DMD: variants seen among roughly 807,000 people sequenced by gnomAD.
DMD encodes the protein mutant dystrophin.
A neutral mutation model predicts 330.1 loss-of-function variants in DMD; 63 were observed. The ratio of observed to expected loss-of-function variants is 0.19; its 90% CI spans 0.16 to 0.24. The LOEUF is 0.24. DMD is among the 10% of genes least tolerant of loss of function. The pLI is 1.00. For missense variants in DMD, 3,344 were observed against 2,684.1 expected (o/e 1.25, Z -5.43); for synonymous variants, 1,223 against 959.8 (o/e 1.27, Z -5.07).
intron 55 of DMD, among the ~76,000 whole-genome samples, chrX:31,624,099 C>T (rs1316872006): frequency 6.3e-5 from 7 of 111,531 alleles, no homozygotes; most frequent in African/African-American, 9.8e-5. Context: ...AGAAATAATC[C>T]GATTCAATTA....
In DMD at chrX:33,009,162, GTATATATATGTGTATATATACGTATATA is replaced by G. The variant is rs2093505062; in HGVS notation, c.93+10949_93+10976del. ...TATATGTGTATATATACGTATATAT[GTATATATATGTGTATATATACGTATATA>G]TGTATATATGTGTATATATACACAT... On this transcript the variant is annotated intron_variant, in intron 2 of 78. Coordinates refer to ENST00000357033, the MANE Select transcript of DMD (RefSeq NM_004006.3). Among the ~76,000 whole-genome samples, 2 of 2,510 alleles carry G rather than the reference GTATATATATGTGTATATATACGTATATA, an allele frequency of 8.0e-4. 1 individual carries two copies. The highest frequency in any genetic ancestry group is 1.5e-3 in the Non-Finnish European group (2 of 1,295). The allele number at this position is 2,510 out of a possible 115,157, so 2.2% of individuals were successfully genotyped here.
At chrX:33,250,455 G>A (rs955561061) in intron 1 of DMD, among the ~76,000 whole-genome samples, 1 of 110,618 alleles carries the variant, frequency 9.0e-6, no homozygotes, top group Non-Finnish European at 1.9e-5. Flanking sequence ...CTCACCTCCT[G>A]CTGTGCAGCT....
chrX:31,870,022 G>A (rs1444316690), intron 48 of DMD, among the ~76,000 whole-genome samples: 1 of 111,769 alleles, frequency 8.9e-6, no homozygotes, highest in Non-Finnish European at 1.9e-5. Flanking sequence ...CCAAGTGTCA[G>A]AGTTCGTTCA....
At chrX:32,473,072 T>C (rs1215506134) in intron 21 of DMD, among the ~76,000 whole-genome samples, 1 of 111,287 alleles carries the variant, frequency 9.0e-6, no homozygotes, top group Non-Finnish European at 1.9e-5. Flanking sequence ...TGTATATATA[T>C]GAAATGTGAC....
chrX:32,192,548 G>A (rs1388250612), intron 44 of DMD, among the ~76,000 whole-genome samples: 1 of 111,918 alleles, frequency 8.9e-6, no homozygotes, highest in African/African-American at 3.2e-5. Flanking sequence ...TAACTCTTAA[G>A]TGGATATCCT....
chrX:32,502,929 A>G (rs2044207352), intron 18 of DMD, among the ~76,000 whole-genome samples: 1 of 111,878 alleles, frequency 8.9e-6, no homozygotes, highest in African/African-American at 3.2e-5. Flanking sequence ...ATGATAGCCA[A>G]TAACCACATG....
Position 31,530,119 on chromosome X carries a change from TA to T in DMD, c.8218-22667del, listed in dbSNP as rs200082425. Among the ~76,000 whole-genome samples the T allele has an allele frequency of 3.2e-4, 36 of 111,745 alleles. No individual in the cohort carries two copies. The East Asian group carries it at 8.4e-3, about 26-fold the overall frequency. The stretch of plus-strand genomic sequence containing the variant: ...TGATATGTAATACAGATTTTATGTT[TA>T]AAAAAATGGCTTTGTGGGGCTCCCA... On this transcript the variant is annotated intron_variant, in intron 55 of 78. Transcript: ENST00000357033.
intron 4 of DMD, among the ~76,000 whole-genome samples, chrX:32,828,265 G>A (rs1328434368): frequency 1.8e-5 from 2 of 111,159 alleles, no homozygotes; most frequent in Non-Finnish European, 3.8e-5. Flanking sequence ...TGGGTTGAAT[G>A]GTATTTCTGT....
chrX:31,366,064 C>A (rs1335116328), intron 60 of DMD, among the ~76,000 whole-genome samples: 2 of 112,024 alleles, frequency 1.8e-5, no homozygotes, highest in African/African-American at 6.5e-5. Context: ...TACCGGCAGG[C>A]ACTCTGTTAA....
chrX:33,289,487 C>T (rs1265417842), intron 1 of DMD, among the ~76,000 whole-genome samples: 1 of 111,313 alleles, frequency 9.0e-6, no homozygotes, highest in Non-Finnish European at 1.9e-5. Flanking sequence ...CCAATTTACT[C>T]ATTTTTCAAA....
At chrX:33,280,614 T>C (rs1207287619) in intron 1 of DMD, among the ~76,000 whole-genome samples, 1 of 112,022 alleles carries the variant, frequency 8.9e-6, no homozygotes, top group African/African-American at 3.2e-5. Context: ...TTGATGTTTG[T>C]TATTTGATTG....
intron 1 of DMD, among the ~76,000 whole-genome samples, chrX:33,245,423 A>G (rs1166513861): frequency 3.6e-5 from 4 of 112,172 alleles, no homozygotes; most frequent in Non-Finnish European, 7.5e-5. Context: ...TGTTGCATTT[A>G]TTTATGTTCT....
intron 62 of DMD, among the ~76,000 whole-genome samples, chrX:31,298,419 A>ACACACG (rs2054364125): frequency 9.1e-6 from 1 of 110,014 alleles, no homozygotes; most frequent in Non-Finnish European, 1.9e-5. Context: ...ATACACACAC[A>ACACACG]CACACACACA....
At chrX:32,475,024 G>C (rs2041082513) in intron 21 of DMD, among the ~76,000 whole-genome samples, 1 of 111,100 alleles carries the variant, frequency 9.0e-6, no homozygotes, top group Non-Finnish European at 1.9e-5. Context: ...TCTTTAGTTG[G>C]TTTTTGTATA....
chrX:31,808,727 T>A (rs1272343477), intron 50 of DMD, among the ~76,000 whole-genome samples: 1 of 111,062 alleles, frequency 9.0e-6, no homozygotes, highest in East Asian at 2.8e-4. Context: ...TACAATTCAA[T>A]CCTGAGTTAT....
chrX:32,964,745 T>C (rs2092071012), intron 2 of DMD, among the ~76,000 whole-genome samples: 2 of 111,670 alleles, frequency 1.8e-5, no homozygotes, highest in Admixed American at 9.5e-5. Flanking sequence ...AAGTTCTCTT[T>C]ATAGAACTGC....
At chrX:31,142,473 T>G (rs994700208) in intron 76 of DMD, among the ~76,000 whole-genome samples, 6 of 112,467 alleles carry the variant, frequency 5.3e-5, no homozygotes, top group African/African-American at 1.9e-4. Context: ...AATGTAAAAG[T>G]ACATAAATAA....
chrX:31,711,250 TCTGAAAACATG>T (rs1165882127), intron 52 of DMD, among the ~76,000 whole-genome samples: 10 of 111,461 alleles, frequency 9.0e-5, no homozygotes, highest in Admixed American at 3.8e-4. Flanking sequence ...CCAAAATCAA[TCTGAAAACATG>T]CTGAAAACAT....
chrX:33,286,255 A>C (rs981416225), intron 1 of DMD, among the ~76,000 whole-genome samples: 1 of 112,102 alleles, frequency 8.9e-6, no homozygotes, highest in African/African-American at 3.2e-5. Flanking sequence ...ATAAATGTAA[A>C]AAATAATGTA....
Sources: gnomAD v4.1 joint callset for allele counts (sites outside exome capture counted in the v4.1 genomes callset) on GRCh38, gnomAD v4.1.1 for gene constraint, MANE v1.5 for transcripts, NCBI Gene and HGNC (gene_info 2026-07-23, HGNC 2026-07-21) for gene names.